ACOT11: variants seen among roughly 807,000 people sequenced by gnomAD.
The protein encoded by ACOT11 is acyl-coenzyme A thioesterase 11.
In ACOT11, 69 loss-of-function variants were observed where a neutral mutation model predicts 77.5. That is an observed-to-expected ratio of 0.89 (90% CI 0.73 to 1.09). ACOT11 has a LOEUF of 1.09. ACOT11 is among the 50% of genes least tolerant of loss of function. ACOT11 has a pLI of 0.00. For synonymous variants in ACOT11, 279 were observed against 313.0 expected (o/e 0.89, Z 1.15); for missense variants, 766 against 813.7 (o/e 0.94, Z 0.71).
chr1:54,615,762 G>T (rs186230987), intron 15 of ACOT11, among the ~76,000 whole-genome samples: 15 of 152,158 alleles, frequency 9.9e-5, no homozygotes, highest in Non-Finnish European at 2.1e-4. Flanking sequence ...GAGCATGCGC[G>T]GCACTTTGCA....
chr1:54,612,738 C>G, downstream of ACOT11: 2 of 1,578,500 alleles, frequency 1.3e-6, no homozygotes, highest in Non-Finnish European at 1.7e-6. Flanking sequence ...ATGTTGGTCT[C>G]ACGGAGCTGC....
chr1:54,587,792 C>G (rs1186728906), intron 3 of ACOT11, among the ~76,000 whole-genome samples: 1 of 151,696 alleles, frequency 6.6e-6, no homozygotes, highest in Non-Finnish European at 1.5e-5. Context: ...GAACTCCTGG[C>G]CTCAAGTGAT....
In ACOT11 at chr1:54,604,231, A is replaced by AC. The variant is rs1643998606; in HGVS notation, c.1153-112dup. The AC allele has an allele frequency of 4.3e-6, 4 of 940,932 alleles. No individual in the cohort carries two copies. In the East Asian group the frequency reaches 1.0e-4, roughly 23 times the overall value. The allele number at this position is 940,932 out of a possible 1,614,324, so 58.3% of individuals were successfully genotyped here. On this transcript the variant is annotated intron_variant, in intron 11 of 15. Coordinates refer to ENST00000343744, the MANE Select transcript of ACOT11 (RefSeq NM_147161.4). Reference sequence around the variant, plus strand: ...TTCCACAGCACCTGCCGCACCACCCACCCACCGCCCAACCCATTCCTGGCC... The same window carrying AC: ...TTCCACAGCACCTGCCGCACCACCCACCCCACCGCCCAACCCATTCCTGGCC...
At chr1:54,594,811 G>A in intron 6 of ACOT11, 120 bp downstream of exon 6, 1 of 1,402,552 alleles carries the variant, frequency 7.1e-7, no homozygotes, top group Non-Finnish European at 9.5e-7. Flanking sequence ...CCCACTGGTG[G>A]CCCTGGGCCT....
intron 1 of ACOT11, among the ~76,000 whole-genome samples, chr1:54,574,862 C>T (rs924378688): frequency 1.3e-5 from 2 of 152,262 alleles, no homozygotes; most frequent in African/African-American, 4.8e-5. Context: ...TGCATCCTCT[C>T]CAGCCTCCTT....
rs764002069 is a variant in ACOT11, at chr1:54,592,584, G to T, written c.350G>T (p.Arg117Leu). Residue 117 changes from arginine (R) to leucine (L), a missense_variant, in exon 4 of 16, where the codon CGG (arginine) becomes CTG (leucine). Transcript: ENST00000343744. ...QVVNIKAKVN[R>L]AFNSSMEVGI... is the part of the protein sequence containing the mutation. Reference sequence around the variant, plus strand: ...GTGAATATCAAGGCCAAGGTGAACCGGGCCTTCAACTCCAGCATGGAGGTG... The same window carrying T: ...GTGAATATCAAGGCCAAGGTGAACCTGGCCTTCAACTCCAGCATGGAGGTG... The T allele has an allele frequency of 6.2e-7, 1 of 1,613,278 alleles. No homozygotes were observed. Among genetic ancestry groups the T allele is most frequent in the Admixed American group, 1.7e-5 (1 of 59,892 alleles).
At chr1:54,601,145 G>A (rs558959729) in intron 8 of ACOT11, 124 bp from the exon 9 acceptor site, 4 of 1,110,894 alleles carry the variant, frequency 3.6e-6, no homozygotes, top group African/African-American at 3.1e-5. Flanking sequence ...GCATACGTGT[G>A]TGTGTGTGCA....
At chr1:54,586,047 G>T (rs1012754332) in intron 3 of ACOT11, 143 bp downstream of exon 3, 1 of 755,396 alleles carries the variant, frequency 1.3e-6, no homozygotes, top group Non-Finnish European at 2.1e-6. Flanking sequence ...GGCAGCCTCT[G>T]GGGAAGTGTG....
intron 15 of ACOT11, among the ~76,000 whole-genome samples, chr1:54,624,490 G>A (rs1644259838): frequency 6.6e-6 from 1 of 152,172 alleles, no homozygotes; most frequent in African/African-American, 2.4e-5. Flanking sequence ...GCTCAGGACT[G>A]AGATCAGGGC....
chr1:54,592,017 T>G (rs2100988008), intron 3 of ACOT11, among the ~76,000 whole-genome samples: 1 of 149,192 alleles, frequency 6.7e-6, no homozygotes, highest in South Asian at 2.2e-4. Context: ...TAGAATGCAT[T>G]AATTCAGTCA....
At chr1:54,594,189 C>T (rs1429523106) in intron 5 of ACOT11, 150 bp downstream of exon 5, 2 of 683,286 alleles carry the variant, frequency 2.9e-6, no homozygotes, top group East Asian at 2.7e-5. Flanking sequence ...GAAGGCCCAC[C>T]CCTCATTGCA....
intron 1 of ACOT11, among the ~76,000 whole-genome samples, chr1:54,559,700 T>C (rs1014335935): frequency 2.0e-5 from 3 of 152,200 alleles, no homozygotes; most frequent in African/African-American, 7.2e-5. Context: ...GTTGAGGACC[T>C]ACTAAGTGTC....
At chr1:54,586,941 A>G (rs1211862643) in intron 3 of ACOT11, among the ~76,000 whole-genome samples, 1 of 152,190 alleles carries the variant, frequency 6.6e-6, no homozygotes, top group African/African-American at 2.4e-5. Context: ...AGCACTAGCT[A>G]GGACATCAAG....
intron 15 of ACOT11, among the ~76,000 whole-genome samples, chr1:54,626,133 G>A (rs973669174): frequency 4.6e-5 from 7 of 151,746 alleles, no homozygotes; most frequent in Non-Finnish European, 8.8e-5. Flanking sequence ...AGTGGCACGA[G>A]CCTGTAATCC....
chr1:54,602,149 C>T (rs971700509), intron 9 of ACOT11, among the ~76,000 whole-genome samples: 11 of 152,162 alleles, frequency 7.2e-5, no homozygotes, highest in African/African-American at 1.9e-4. Context: ...TTAGATGTGG[C>T]GGTAAAGAGG....
At chr1:54,605,998 C>T (rs1262743187) in intron 13 of ACOT11, among the ~76,000 whole-genome samples, 1 of 152,192 alleles carries the variant, frequency 6.6e-6, no homozygotes, top group East Asian at 1.9e-4. Flanking sequence ...GAAATTCAGT[C>T]CGCTGGTCAC....
At chr1:54,612,934 AG>A (rs1283564466), downstream of ACOT11, among the ~76,000 whole-genome samples, 9 of 152,266 alleles carry the variant, frequency 5.9e-5, no homozygotes, top group Non-Finnish European at 1.0e-4. Flanking sequence ...GATCTTGGGC[AG>A]GTAACTCAGC....
chr1:54,603,917 C>G lies in ACOT11; in HGVS notation c.1132C>G (p.Pro378Ala). 1 of 1,614,142 alleles carries G rather than the reference C, an allele frequency of 6.2e-7. No individual in the cohort carries two copies. The highest frequency in any genetic ancestry group is 2.2e-5 in the East Asian group (1 of 44,890). The change falls in exon 11 of 16, where the codon CCC (proline) becomes GCC (alanine). Residue 378 changes from proline to alanine, a missense_variant. Coordinates refer to ENST00000343744, the MANE Select transcript of ACOT11 (RefSeq NM_147161.4). ...CKQTEVPLSVPWDPSNQVYLS... is the reference protein window; with the variant it reads ...CKQTEVPLSVAWDPSNQVYLS... ...GCAGACAGAGGTGCCCCTCTCCGTC[C>G]CCTGGGACCCTAGCAACCAGGTAAG...
intron 15 of ACOT11, among the ~76,000 whole-genome samples, chr1:54,618,505 A>AAAAC (rs962432760): frequency 3.0e-4 from 45 of 152,146 alleles, no homozygotes; most frequent in Non-Finnish European, 4.4e-4. Context: ...ATCCTGTCTC[A>AAAAC]AAACAAACAA....
Sources: allele counts gnomAD v4.1 joint callset (sites outside exome capture counted in the v4.1 genomes callset), GRCh38; gene constraint gnomAD v4.1.1; transcripts MANE v1.5; gene names NCBI Gene and HGNC (gene_info 2026-07-23, HGNC 2026-07-21).